RELN: variants seen among roughly 807,000 people sequenced by gnomAD.
RELN encodes the protein reelin.
Under a neutral mutation model 427.6 loss-of-function variants are expected in RELN, and 108 were observed. The ratio of observed to expected loss-of-function variants is 0.25; its 90% CI spans 0.22 to 0.30. The LOEUF is 0.30. RELN is among the 10% of genes least tolerant of loss of function. RELN has a pLI of 1.00. For missense variants in RELN, 3,715 were observed against 4,302.8 expected, an observed-to-expected ratio of 0.86 and a Z score of 3.82; for synonymous variants, 1,524 against 1,513.4, an observed-to-expected ratio of 1.01 and a Z score of -0.16.
At chr7:103,872,043 CTTT>C (rs374943426) in intron 2 of RELN, among the ~76,000 whole-genome samples, 149 of 119,558 alleles carry the variant, frequency 1.2e-3, no homozygotes, top group African/African-American at 4.2e-3. Context: ...TTTCTTTTTT[CTTT>C]TTTTTCTTTT....
At chr7:103,921,128 G>A (rs534358949) in intron 1 of RELN, among the ~76,000 whole-genome samples, 1 of 152,126 alleles carries the variant, frequency 6.6e-6, no homozygotes, top group South Asian at 2.1e-4. Flanking sequence ...TAACTAGACG[G>A]GCAGAGATAT....
chr7:103,735,442 T>C (rs1213150126), intron 6 of RELN, among the ~76,000 whole-genome samples: 1 of 152,134 alleles, frequency 6.6e-6, no homozygotes, highest in African/African-American at 2.4e-5. Flanking sequence ...TGAAGTGAAA[T>C]GTCCCTGTAG....
rs571395022 is a variant in RELN at position 103,477,047 on chromosome 7, T to C, written c.10286+1342A>G. Among the ~76,000 whole-genome samples, 455 of 152,324 alleles carry C rather than the reference T, an allele frequency of 3.0e-3. 1 individual carries two copies. Among genetic ancestry groups the C allele is most frequent in the Non-Finnish European group, 4.9e-3 (330 of 68,014 alleles). ...AGAACTAGGTCCATTTTTAAATTCTTCCATTATGAGTAAGTAATTGAAAGA... is the reference window on the plus strand; with the variant it reads ...AGAACTAGGTCCATTTTTAAATTCTCCCATTATGAGTAAGTAATTGAAAGA... On this transcript the variant is annotated intron_variant, in intron 64 of 64. Transcript: ENST00000428762.
At chr7:103,474,926 A>T (rs1827981408) in intron 64 of RELN, among the ~76,000 whole-genome samples, 1 of 152,148 alleles carries the variant, frequency 6.6e-6, no homozygotes, top group Non-Finnish European at 1.5e-5. Context: ...TTGATTTTGC[A>T]CACCAGATTC....
chr7:103,592,688 A>G (rs1831446862), intron 27 of RELN, among the ~76,000 whole-genome samples: 1 of 152,206 alleles, frequency 6.6e-6, no homozygotes. Context: ...ATTATCTTGC[A>G]GACTTTAATA....
At chr7:103,754,767 C>A (rs189712706) in intron 4 of RELN, among the ~76,000 whole-genome samples, 30 of 152,140 alleles carry the variant, frequency 2.0e-4, no homozygotes, top group Middle Eastern at 3.4e-3. Context: ...GAGAGTCAGA[C>A]CCTGTCTCTA....
At chr7:103,892,821 G>C (rs1794878898) in intron 2 of RELN, among the ~76,000 whole-genome samples, 1 of 152,124 alleles carries the variant, frequency 6.6e-6, no homozygotes, top group Non-Finnish European at 1.5e-5. Context: ...GATCACTGTA[G>C]GAAATTCCTG....
chr7:103,673,897 T>C (rs2237631), intron 11 of RELN, among the ~76,000 whole-genome samples: 83,330 of 151,216 alleles, frequency 0.55, 23,233 homozygotes, highest in South Asian at 0.66. Flanking sequence ...CTTTCACTCA[T>C]AGCCACTATA....
intron 16 of RELN, among the ~76,000 whole-genome samples, chr7:103,648,166 A>G (rs111691230): frequency 2.6e-5 from 4 of 152,012 alleles, no homozygotes; most frequent in East Asian, 1.9e-4. Context: ...GTAGTCCCCA[A>G]TATTGGAGGA....
chr7:103,611,536 AT>A (rs10673432), intron 21 of RELN, 74 bp downstream of exon 21: 37,284 of 920,234 alleles, frequency 0.041, no homozygotes, highest in Middle Eastern at 0.048. Flanking sequence ...TAGAACTGTA[AT>A]TTTTTTTTTT....
chr7:103,639,200 C>A (rs1192577699), intron 17 of RELN, among the ~76,000 whole-genome samples: 1 of 152,080 alleles, frequency 6.6e-6, no homozygotes, highest in East Asian at 1.9e-4. Flanking sequence ...CTAGAAAACA[C>A]AGGAATGCAT....
chr7:103,577,881 C>T (rs1362007415), intron 28 of RELN, among the ~76,000 whole-genome samples: 4 of 152,150 alleles, frequency 2.6e-5, no homozygotes, highest in Non-Finnish European at 5.9e-5. Flanking sequence ...CATGGATCCA[C>T]AGCATCTGTG....
intron 4 of RELN, among the ~76,000 whole-genome samples, chr7:103,760,114 A>G (rs1291213987): frequency 6.7e-6 from 1 of 148,364 alleles, no homozygotes; most frequent in Non-Finnish European, 1.5e-5. Context: ...ATAACATTTT[A>G]ATAGGTTAAA....
chr7:103,804,364 C>T (rs572599623), intron 3 of RELN, among the ~76,000 whole-genome samples: 19 of 152,110 alleles, frequency 1.2e-4, no homozygotes, highest in African/African-American at 4.1e-4. Flanking sequence ...TCAAATAAAA[C>T]GGCACTAAAT....
intron 1 of RELN, among the ~76,000 whole-genome samples, chr7:103,919,039 G>A (rs976671894): frequency 6.6e-6 from 1 of 151,474 alleles, no homozygotes; most frequent in Non-Finnish European, 1.5e-5. Flanking sequence ...ATTTGCCTTT[G>A]GAAAAACGCT....
At chr7:103,519,538 A>G (rs1362112130) in intron 48 of RELN, 22 bp from the exon 49 acceptor site, 5 of 1,565,712 alleles carry the variant, frequency 3.2e-6, no homozygotes, top group African/African-American at 2.7e-5. Flanking sequence ...AAGTAAAATA[A>G]AAAAAAGTGA....
intron 1 of RELN, among the ~76,000 whole-genome samples, chr7:103,931,373 T>C (rs1288134946): frequency 6.6e-6 from 1 of 152,178 alleles, no homozygotes; most frequent in Non-Finnish European, 1.5e-5. Flanking sequence ...TGTCAGCTCT[T>C]CTATAAAGCA....
intron 51 of RELN, among the ~76,000 whole-genome samples, chr7:103,509,541 C>T (rs1829327371): frequency 6.6e-6 from 1 of 152,124 alleles, no homozygotes; most frequent in Non-Finnish European, 1.5e-5. Context: ...AGACCTAAAA[C>T]CATAAAAACC....
At chr7:103,608,246 T>C (rs1275857297) in intron 22 of RELN, among the ~76,000 whole-genome samples, 2 of 152,212 alleles carry the variant, frequency 1.3e-5, no homozygotes, top group African/African-American at 2.4e-5. Flanking sequence ...TAAATATACT[T>C]TATTTTTATG....
Sources: gnomAD v4.1 joint callset for allele counts (sites outside exome capture counted in the v4.1 genomes callset) on GRCh38, gnomAD v4.1.1 for gene constraint, MANE v1.5 for transcripts, NCBI Gene and HGNC (gene_info 2026-07-23, HGNC 2026-07-21) for gene names.